The following ABCA12 variants were observed in gnomAD, a reference collection of about 807,000 sequenced individuals.
The protein encoded by ABCA12 is glucosylceramide transporter ABCA12.
In ABCA12, 156 loss-of-function variants were observed where a neutral mutation model predicts 293.5. The observed-to-expected ratio is 0.53, with a 90% CI of 0.47 to 0.61. The LOEUF (loss-of-function observed/expected upper bound fraction) is 0.61, where lower values mean the gene tolerates loss of function less well. Among genes scored for constraint, ABCA12 ranks in the 20% least tolerant of loss-of-function variants. ABCA12 has a pLI of 0.00. For missense variants in ABCA12, 2,797 were observed against 3,090.2 expected (o/e 0.91, Z 2.25); for synonymous variants, 1,063 against 1,108.0 (o/e 0.96, Z 0.81).
At chr2:215,066,025 A>G (rs781712298) in intron 2 of ABCA12, among the ~76,000 whole-genome samples, 6 of 152,024 alleles carry the variant, frequency 3.9e-5, no homozygotes, top group Non-Finnish European at 5.9e-5. Flanking sequence ...ACCAATAATA[A>G]TTTCCCACAA....
At chr2:215,135,458 G>C (rs73076549) in intron 1 of ABCA12, among the ~76,000 whole-genome samples, 2 of 152,070 alleles carry the variant, frequency 1.3e-5, no homozygotes, top group Non-Finnish European at 2.9e-5. Context: ...ATTAGGCAAA[G>C]TTGTCATGGT....
chr2:214,970,899 A>T (rs892062348), intron 36 of ABCA12, among the ~76,000 whole-genome samples: 1 of 152,018 alleles, frequency 6.6e-6, no homozygotes, highest in Non-Finnish European at 1.5e-5. Context: ...TTAATATTAT[A>T]TATGTATATA....
chr2:215,117,675 T>G (rs1380951041), intron 1 of ABCA12, among the ~76,000 whole-genome samples: 1 of 152,228 alleles, frequency 6.6e-6, no homozygotes, highest in Non-Finnish European at 1.5e-5. Context: ...ATGCTATTTT[T>G]GTCTACCATT....
chr2:215,095,753 G>A (rs567851613), intron 2 of ABCA12, among the ~76,000 whole-genome samples: 1 of 136,836 alleles, frequency 7.3e-6, no homozygotes, highest in South Asian at 2.1e-4. Context: ...AAAATGACCG[G>A]TTCCTGCCTT....
rs2106048889 is a variant in ABCA12 at position 215,045,908 on chromosome 2, A to G, written c.801T>C (p.Ser267=). 1 of 1,613,756 alleles carries G rather than the reference A, an allele frequency of 6.2e-7. No homozygotes were observed. The change falls in exon 7 of 53, where the codon TCT becomes TCC. Residue 267 remains serine, a synonymous_variant. Coordinates refer to ENST00000272895, the MANE Select transcript of ABCA12 (RefSeq NM_173076.3). The part of the protein sequence containing the change: ...QEQKAVWQLL[S]SFPNVFQNDT... ...CATTCTGAAACACATTTGGAAAACT[A>G]GACAGAAGCTGCCACACAGCTTTCT...
At chr2:215,110,448 T>C (rs1702549133) in intron 2 of ABCA12, among the ~76,000 whole-genome samples, 1 of 152,122 alleles carries the variant, frequency 6.6e-6, no homozygotes, top group South Asian at 2.1e-4. Flanking sequence ...GAGGCAGAGC[T>C]TGCTTGCAGT....
At position 214,966,197 on chromosome 2, in the gene ABCA12, G is replaced by C. The variant is rs184680473; in HGVS notation, c.5884+651C>G. On this transcript the variant is annotated intron_variant, in intron 39 of 52. Coordinates refer to ENST00000272895, the MANE Select transcript of ABCA12 (RefSeq NM_173076.3). ...GGGAGCTGAATGGTGAGAATACATG[G>C]ACACATGGTGGGGAACAACACACAC... 1.0e-2 allele frequency among the ~76,000 whole-genome samples: 1,516 copies of C among 152,300 alleles called. 16 individuals carry two copies. Among genetic ancestry groups the C allele is most frequent in the Non-Finnish European group, 0.012 (810 of 68,030 alleles).
At chr2:215,112,497 G>T (rs58131191) in intron 1 of ABCA12, among the ~76,000 whole-genome samples, 93,801 of 125,118 alleles carry the variant, frequency 0.75, 35,130 homozygotes, top group East Asian at 0.94. Flanking sequence ...TTTTTTTTTT[G>T]TTTTTTTTTG....
At chr2:215,132,546 G>A (rs1305179429) in intron 1 of ABCA12, among the ~76,000 whole-genome samples, 2 of 151,410 alleles carry the variant, frequency 1.3e-5, no homozygotes, top group Non-Finnish European at 3.0e-5. Context: ...TATCTAATAT[G>A]AGAATGGCTA....
At chr2:215,070,686 T>A (rs1701720335) in intron 2 of ABCA12, among the ~76,000 whole-genome samples, 1 of 151,872 alleles carries the variant, frequency 6.6e-6, no homozygotes, top group African/African-American at 2.4e-5. Flanking sequence ...TTAAAAATTG[T>A]TCATCTTAAC....
chr2:215,074,517 A>G (rs1157609678), intron 2 of ABCA12, among the ~76,000 whole-genome samples: 1 of 152,236 alleles, frequency 6.6e-6, no homozygotes, highest in African/African-American at 2.4e-5. Context: ...AGGAAAAAAT[A>G]AAGCCAATAC....
In ABCA12 at chr2:215,016,359, G is replaced by A. The variant is rs111487061; in HGVS notation, c.1783-696C>T. Reference sequence around the variant, plus strand: ...AGCACTTTGGGAGGCCGAGGCAGGCGGATCACGAGGTCAGGAAATCAAGAC... The same window carrying A: ...AGCACTTTGGGAGGCCGAGGCAGGCAGATCACGAGGTCAGGAAATCAAGAC... On this transcript the variant is annotated intron_variant, in intron 14 of 52. Transcript: ENST00000272895. Among the ~76,000 whole-genome samples, 1,228 of 150,932 alleles carry A rather than the reference G, an allele frequency of 8.1e-3. 18 individuals carry two copies. The highest frequency in any genetic ancestry group is 0.029 in the African/African-American group (1,188 of 41,136).
chr2:215,083,145 C>T (rs1346139810), intron 2 of ABCA12, among the ~76,000 whole-genome samples: 1 of 152,204 alleles, frequency 6.6e-6, no homozygotes, highest in Non-Finnish European at 1.5e-5. Context: ...CAGTGGTTCT[C>T]TGGAGATGAG....
chr2:215,020,773 A>C (rs1028956180), intron 11 of ABCA12: 1 of 152,318 alleles, frequency 6.6e-6, no homozygotes, highest in South Asian at 2.1e-4. Context: ...ATCACAGCTC[A>C]CTGCAACCTC....
At chr2:214,939,704 G>GTAT (rs1559101817) in intron 50 of ABCA12, among the ~76,000 whole-genome samples, 2 of 152,088 alleles carry the variant, frequency 1.3e-5, no homozygotes, top group African/African-American at 4.8e-5. Context: ...GGATTCCTAG[G>GTAT]TATTTTATTC....
chr2:215,126,582 G>T (rs1478876569), intron 1 of ABCA12, among the ~76,000 whole-genome samples: 1 of 152,054 alleles, frequency 6.6e-6, no homozygotes, highest in Non-Finnish European at 1.5e-5. Context: ...TCTAGTTTAT[G>T]TGCAGAAAGG....
chr2:215,109,305 C>T lies in ABCA12; in HGVS notation c.163+2292G>A, dbSNP rs545039737. Among the ~76,000 whole-genome samples, 3 of 152,188 alleles carry T rather than the reference C, an allele frequency of 2.0e-5. No individual in the cohort carries two copies. The South Asian group carries it at 6.2e-4, about 32-fold the overall frequency. ...GCGGTAAATCTCATGGACAAAGAAGCGGTTTTCACCACCTTTCTTTCCTAT... is the reference window on the plus strand; with the variant it reads ...GCGGTAAATCTCATGGACAAAGAAGTGGTTTTCACCACCTTTCTTTCCTAT... On this transcript the variant is annotated intron_variant, in intron 2 of 52. Transcript: ENST00000272895.
At chr2:214,942,114 CT>C (rs747684257) in intron 50 of ABCA12, among the ~76,000 whole-genome samples, 27 of 152,136 alleles carry the variant, frequency 1.8e-4, no homozygotes, top group Non-Finnish European at 3.7e-4. Context: ...TAAGCAAGGT[CT>C]TGATAAGCAG....
At chr2:215,050,953 TAGAA>T in intron 5 of ABCA12, 1 of 353,532 alleles carries the variant, frequency 2.8e-6, no homozygotes, top group Non-Finnish European at 4.0e-6. Context: ...TATCCATACA[TAGAA>T]ATTTCATTTT....
Sources: gnomAD v4.1 joint callset for allele counts (sites outside exome capture counted in the v4.1 genomes callset) on GRCh38, gnomAD v4.1.1 for gene constraint, MANE v1.5 for transcripts, NCBI Gene and HGNC (gene_info 2026-07-23, HGNC 2026-07-21) for gene names.